Variants in CRYBG1 observed in about 807,000 individuals in gnomAD.
The protein encoded by CRYBG1 is crystallin beta-gamma domain containing 1.
In CRYBG1, 139 loss-of-function variants were observed where a neutral mutation model predicts 189.2. That is an observed-to-expected ratio of 0.73 (90% CI 0.64 to 0.85). The LOEUF (loss-of-function observed/expected upper bound fraction) is 0.85, where lower values mean the gene tolerates loss of function less well. Among genes scored for constraint, CRYBG1 ranks in the 40% least tolerant of loss-of-function variants. The probability of loss-of-function intolerance (pLI) is 0.00; values close to 1 mark genes in which losing one functional copy is unlikely to be tolerated. For synonymous variants in CRYBG1, 1,023 were observed against 1,017.1 expected (o/e 1.01, Z -0.11); for missense variants, 2,611 against 2,675.8 (o/e 0.98, Z 0.53).
intron 2 of CRYBG1, among the ~76,000 whole-genome samples, chr6:106,496,604 C>T (rs1772856740): frequency 6.6e-6 from 1 of 152,016 alleles, no homozygotes; most frequent in South Asian, 2.1e-4. Flanking sequence ...TTTTGGTCAA[C>T]CATCTTATTA....
chr6:106,484,977 C>A (rs1327881635), intron 2 of CRYBG1, among the ~76,000 whole-genome samples: 1 of 152,156 alleles, frequency 6.6e-6, no homozygotes, highest in East Asian at 1.9e-4. Context: ...GGCAAAAGAG[C>A]AAGACCCTAT....
chr6:106,370,602 A>T (rs1167725315), intron 1 of CRYBG1, among the ~76,000 whole-genome samples: 1 of 152,160 alleles, frequency 6.6e-6, no homozygotes, highest in Non-Finnish European at 1.5e-5. Flanking sequence ...CTGATACTTT[A>T]TCCCACTTGA....
At chr6:106,510,169 A>G (rs1773216580) in intron 2 of CRYBG1, among the ~76,000 whole-genome samples, 1 of 152,146 alleles carries the variant, frequency 6.6e-6, no homozygotes, top group Non-Finnish European at 1.5e-5. Context: ...TTAAAAGTTG[A>G]TTCTTAAGAA....
At chr6:106,469,787 C>A (rs6929593) in intron 2 of CRYBG1, among the ~76,000 whole-genome samples, 25,199 of 152,126 alleles carry the variant, frequency 0.17, 2,156 homozygotes, top group South Asian at 0.25. Context: ...AAAGAACTTT[C>A]TTTGTAGCTA....
At chr6:106,367,001 G>T (rs952622114) in intron 1 of CRYBG1, among the ~76,000 whole-genome samples, 1 of 152,162 alleles carries the variant, frequency 6.6e-6, no homozygotes, top group African/African-American at 2.4e-5. Context: ...CCCTTCATGC[G>T]CTCTCAGTGC....
chr6:106,409,569 A>T (rs1018926803), intron 1 of CRYBG1, among the ~76,000 whole-genome samples: 1 of 151,856 alleles, frequency 6.6e-6, no homozygotes, highest in Non-Finnish European at 1.5e-5. Context: ...TAGCCAAGAC[A>T]ATCCTAAGCA....
At chr6:106,527,221 A>AT in intron 6 of CRYBG1, 84 bp from the exon 7 acceptor site, 1 of 1,106,502 alleles carries the variant, frequency 9.0e-7, no homozygotes, top group Non-Finnish European at 1.3e-6. Context: ...TATATATATA[A>AT]AATGGCAATT....
intron 1 of CRYBG1, among the ~76,000 whole-genome samples, chr6:106,440,354 T>C (rs999396702): frequency 6.6e-6 from 1 of 151,638 alleles, no homozygotes; most frequent in Non-Finnish European, 1.5e-5. Context: ...AACCTCCACC[T>C]CCTGGGTTCA....
intron 2 of CRYBG1, among the ~76,000 whole-genome samples, chr6:106,510,781 C>A (rs72939431): frequency 0.039 from 6,002 of 152,354 alleles, 140 homozygotes; most frequent in Non-Finnish European, 0.049. Context: ...GCTCTGCAGC[C>A]GCGGGATCAC....
intron 1 of CRYBG1, among the ~76,000 whole-genome samples, chr6:106,436,496 G>A (rs1026567209): frequency 5.3e-5 from 8 of 151,978 alleles, no homozygotes; most frequent in African/African-American, 1.7e-4. Flanking sequence ...GGGTTTCACC[G>A]TGTTAGCCAG....
rs530434263 is a variant in CRYBG1 at position 106,418,705 on chromosome 6, T to C, written c.174-32989T>C. On this transcript the variant is annotated intron_variant, in intron 1 of 21. Coordinates refer to ENST00000633556, the MANE Select transcript of CRYBG1 (RefSeq NM_001371242.2). ...AGTAAGCATTGTACCATTGAAGCAA[T>C]GTTATTCGTCTGGGGTAATATCCGA... Among the ~76,000 whole-genome samples the C allele has an allele frequency of 2.0e-5, 3 of 152,318 alleles. No homozygotes were observed. The East Asian group carries it at 5.8e-4, about 29-fold the overall frequency.
rs1775047016 is a variant in CRYBG1 at position 106,571,084 on chromosome 6, A to C, written c.*2518A>C. 6.6e-6 allele frequency: 1 copy of C among 152,216 alleles called. No individual in the cohort carries two copies. The highest frequency in any genetic ancestry group is 2.4e-5 in the African/African-American group (1 of 41,458). 9.4% of individuals were successfully genotyped at this position (152,216 alleles called of 1,614,324 possible). ...TTGGAAGGCTGCAATTTCCATGGAA[A>C]AGCCCTCAGAGAAGCATGTTTCAAT... On this transcript the variant is annotated 3_prime_UTR_variant, in exon 22 of 22. Coordinates refer to ENST00000633556, the MANE Select transcript of CRYBG1 (RefSeq NM_001371242.2).
At chr6:106,518,556 C>T (rs569884585) in intron 3 of CRYBG1, among the ~76,000 whole-genome samples, 1 of 152,316 alleles carries the variant, frequency 6.6e-6, no homozygotes, top group South Asian at 2.1e-4. Flanking sequence ...CATCCCTCAT[C>T]CCTAGAGTTT....
intron 13 of CRYBG1, 143 bp from the exon 14 acceptor site, chr6:106,551,709 A>G: frequency 2.3e-6 from 2 of 880,266 alleles, no homozygotes; most frequent in Admixed American, 2.4e-5. Flanking sequence ...ATCTGCTTCT[A>G]AAGGTTAATG....
chr6:106,413,630 T>C (rs903456818), intron 1 of CRYBG1, among the ~76,000 whole-genome samples: 4 of 151,962 alleles, frequency 2.6e-5, no homozygotes, highest in Non-Finnish European at 5.9e-5. Flanking sequence ...TGAGCCTAGA[T>C]TGCACCATTG....
chr6:106,505,069 A>G (rs1173019320), intron 2 of CRYBG1, among the ~76,000 whole-genome samples: 2 of 150,928 alleles, frequency 1.3e-5, no homozygotes, highest in Non-Finnish European at 3.0e-5. Context: ...CCGGCACAGG[A>G]CAACAGGCAT....
chr6:106,447,962 T>A (rs9373866), intron 1 of CRYBG1, among the ~76,000 whole-genome samples: 7 of 152,124 alleles, frequency 4.6e-5, no homozygotes, highest in African/African-American at 1.7e-4. Context: ...ATTATTTCTG[T>A]GTAATACATT....
chr6:106,450,739 AT>A (rs1771767166), intron 1 of CRYBG1, among the ~76,000 whole-genome samples: 1 of 152,210 alleles, frequency 6.6e-6, no homozygotes, highest in Admixed American at 6.5e-5. Flanking sequence ...TATCATATTC[AT>A]CACATGCAGG....
intron 2 of CRYBG1, among the ~76,000 whole-genome samples, chr6:106,458,587 C>T (rs1172150041): frequency 1.3e-5 from 2 of 152,054 alleles, no homozygotes; most frequent in Admixed American, 6.6e-5. Context: ...GAATGAAATG[C>T]ATATATTCAC....
Sources: allele counts gnomAD v4.1 joint callset (sites outside exome capture counted in the v4.1 genomes callset), GRCh38; gene constraint gnomAD v4.1.1; transcripts MANE v1.5; gene names NCBI Gene and HGNC (gene_info 2026-07-23, HGNC 2026-07-21).